The following PDZD8 variants were observed in gnomAD, a reference collection of about 807,000 sequenced individuals.
The protein encoded by PDZD8 is PDZ domain-containing protein 8.
PDZD8 carries 14 observed loss-of-function variants against 85.8 expected under a neutral mutation model. The observed-to-expected ratio is 0.16, with a 90% CI of 0.11 to 0.26. PDZD8 has a LOEUF of 0.26. Ranked by LOEUF, PDZD8 falls within the 10% of genes least tolerant of loss-of-function variation. PDZD8 has a pLI of 1.00. For synonymous variants in PDZD8, 592 were observed against 568.6 expected (o/e 1.04, Z -0.59); for missense variants, 1,197 against 1,424.3 (o/e 0.84, Z 2.57).
intron 2 of PDZD8, among the ~76,000 whole-genome samples, chr10:117,337,117 T>C (rs1201263602): frequency 1.3e-5 from 2 of 151,874 alleles, no homozygotes; most frequent in Admixed American, 1.3e-4. Context: ...ATCTAACTAA[T>C]CCGTAAAGTT....
Position 117,330,024 on chromosome 10 carries a change from G to T in PDZD8, c.995+10956C>A, listed in dbSNP as rs867605525. On this transcript the variant is annotated intron_variant, in intron 2 of 4. Coordinates refer to ENST00000334464, the MANE Select transcript of PDZD8 (RefSeq NM_173791.5). ...AGGGAGGGAGGGAGGGAGGGAGGGA[G>T]GGAAGGAGGGAGGGAGGGAGGGAGG... 2.8e-4 allele frequency among the ~76,000 whole-genome samples: 12 copies of T among 42,628 alleles called. 1 individual carries two copies. The highest frequency in any genetic ancestry group is 5.0e-4 in the African/African-American group (5 of 9,970). 28.0% of individuals were successfully genotyped at this position (42,628 alleles called of 152,430 possible). A position where few individuals can be genotyped will look rare whatever the true frequency, so the allele number is the denominator to read the frequency against.
chr10:117,310,195 C>T lies in PDZD8; in HGVS notation c.1098+8677G>A, dbSNP rs188776822. Among the ~76,000 whole-genome samples the T allele has an allele frequency of 1.1e-3, 174 of 152,264 alleles. 1 individual carries two copies. The highest frequency in any genetic ancestry group is 3.7e-3 in the Admixed American group (56 of 15,278). ...ATGTCCTCATCTTGAACTGGCCTCTCTGCCATCTCAAAATCCTATACATAC... is the reference window on the plus strand; with the variant it reads ...ATGTCCTCATCTTGAACTGGCCTCTTTGCCATCTCAAAATCCTATACATAC... On this transcript the variant is annotated intron_variant, in intron 3 of 4. Transcript: ENST00000334464.
At chr10:117,317,126 A>T (rs550620878) in intron 3 of PDZD8, among the ~76,000 whole-genome samples, 13 of 152,216 alleles carry the variant, frequency 8.5e-5, no homozygotes, top group Non-Finnish European at 1.8e-4. Context: ...GTATGACAGG[A>T]ATTAAGTTTC....
At chr10:117,321,689 CAAT>C (rs1844227815) in intron 2 of PDZD8, among the ~76,000 whole-genome samples, 1 of 151,828 alleles carries the variant, frequency 6.6e-6, no homozygotes, top group African/African-American at 2.4e-5. Context: ...GTAAGCGTAA[CAAT>C]AAATAATGAA....
chr10:117,354,770 T>C (rs536464653), intron 1 of PDZD8, among the ~76,000 whole-genome samples: 2 of 152,308 alleles, frequency 1.3e-5, no homozygotes, highest in African/African-American at 4.8e-5. Context: ...CATTAGGAAC[T>C]AGCAAACATA....
chr10:117,375,121 T>C lies in PDZD8; in HGVS notation c.107A>G (p.Asp36Gly). Residue 36 changes from aspartate to glycine, a missense_variant, in exon 1 of 5, where the codon GAC becomes GGC. Asp to Gly is a moderately conservative substitution (Grantham distance 94). Coordinates refer to ENST00000334464, the MANE Select transcript of PDZD8 (RefSeq NM_173791.5). The part of the protein sequence containing the change: ...LYRRQPEPPA[D>G]EAARAGEGFR... ...GCCCTCGCCCGCGCGGGCGGCCTCG[T>C]CCGCCGGCGGCTCGGGCTGTCTGCG... is the stretch of plus-strand genomic sequence containing the variant. 1 of 1,592,256 alleles carries C rather than the reference T, an allele frequency of 6.3e-7. No individual in the cohort carries two copies. Among genetic ancestry groups the C allele is most frequent in the Non-Finnish European group, 8.5e-7 (1 of 1,175,164 alleles).
At chr10:117,356,471 T>C (rs1450899826) in intron 1 of PDZD8, among the ~76,000 whole-genome samples, 1 of 152,198 alleles carries the variant, frequency 6.6e-6, no homozygotes, top group Non-Finnish European at 1.5e-5. Context: ...TTCATTTTAC[T>C]GATGAGAAAT....
chr10:117,303,574 A>G (rs1843884166), intron 3 of PDZD8, among the ~76,000 whole-genome samples: 1 of 152,228 alleles, frequency 6.6e-6, no homozygotes, highest in East Asian at 1.9e-4. Context: ...TCCCAAGACC[A>G]TGGGGAAAAT....
At chr10:117,349,717 C>G (rs1177445714) in intron 1 of PDZD8, among the ~76,000 whole-genome samples, 1 of 152,092 alleles carries the variant, frequency 6.6e-6, no homozygotes, top group African/African-American at 2.4e-5. Flanking sequence ...GCAGGAGGAT[C>G]ATTTGAGCCT....
At chr10:117,307,837 C>T (rs1012078318) in intron 3 of PDZD8, among the ~76,000 whole-genome samples, 5 of 152,190 alleles carry the variant, frequency 3.3e-5, no homozygotes, top group Admixed American at 1.3e-4. Flanking sequence ...GTTTCTACCC[C>T]TTTCCACTTA....
rs773435462 is a variant in PDZD8, at chr10:117,284,447, A to T, written c.2286T>A (p.Pro762=). ...GTGCGGTTCTAGTGACTATAGCCTT[A>T]GGTGAGGGGGCTTCCAGTCTCAATT... ...LSKLRLEAPS[P]KAIVTRTALR... is the part of the protein sequence containing the mutation. The change falls in exon 5 of 5, where the codon CCT becomes CCA. Residue 762 remains proline, a synonymous_variant. Transcript: ENST00000334464. 13 of 1,614,154 alleles carry T rather than the reference A, an allele frequency of 8.1e-6. No individual in the cohort carries two copies. The highest frequency in any genetic ancestry group is 1.1e-5 in the Non-Finnish European group (13 of 1,180,028).
At chr10:117,343,377 C>A (rs1414392022) in intron 1 of PDZD8, among the ~76,000 whole-genome samples, 1 of 152,084 alleles carries the variant, frequency 6.6e-6, no homozygotes, top group South Asian at 2.1e-4. Context: ...CCAACTAAAA[C>A]GCTAATTTGC....
chr10:117,315,360 C>T lies in PDZD8; in HGVS notation c.1098+3512G>A, dbSNP rs542175864. On this transcript the variant is annotated intron_variant, in intron 3 of 4. Transcript: ENST00000334464. ...CCACAATTCAAGCACTTTGTGGGGC[C>T]GAGGTGGGTGGATCACCTGAGACCA... Among the ~76,000 whole-genome samples the T allele has an allele frequency of 2.1e-3, 323 of 152,070 alleles. 1 individual carries two copies. The highest frequency in any genetic ancestry group is 3.4e-3 in the Non-Finnish European group (231 of 67,970).
chr10:117,293,381 AC>A (rs1396009749), intron 3 of PDZD8, among the ~76,000 whole-genome samples: 1 of 152,026 alleles, frequency 6.6e-6, no homozygotes, highest in Non-Finnish European at 1.5e-5. Context: ...ATAAATAGAA[AC>A]CCTAAATATT....
rs898917418 is a variant in PDZD8, at chr10:117,284,411, C to G, written c.2322G>C (p.Leu774=). Residue 774 remains leucine, a synonymous_variant, in exon 5 of 5, where the codon CTG becomes CTC. Transcript: ENST00000334464. ...TGTCATTGAATCCCTTTTGCATACT[C>G]AGATTGCGTAGTGCGGTTCTAGTGA... ...AIVTRTALRN[L]SMQKGFNDKF... 1.2e-6 allele frequency: 2 copies of G among 1,614,132 alleles called. No homozygotes were observed. Among genetic ancestry groups the G allele is most frequent in the Non-Finnish European group, 1.7e-6 (2 of 1,180,016 alleles).
chr10:117,289,628 A>C (rs2133763560), intron 4 of PDZD8, among the ~76,000 whole-genome samples: 1 of 152,366 alleles, frequency 6.6e-6, no homozygotes, highest in Admixed American at 6.5e-5. Flanking sequence ...TGTAAGTGAC[A>C]CATTTTTCCA....
intron 1 of PDZD8, among the ~76,000 whole-genome samples, chr10:117,343,867 C>T (rs2532793): frequency 0.77 from 116,954 of 152,162 alleles, 45,615 homozygotes; most frequent in Non-Finnish European, 0.85. Context: ...CATTAACATT[C>T]TCTAAGAACC....
rs140283691 is a variant in PDZD8 at position 117,374,257 on chromosome 10, C to T, written c.872+99G>A. 1.7e-4 allele frequency: 258 copies of T among 1,527,816 alleles called. No homozygotes were observed. In the African/African-American group the frequency reaches 2.6e-3, roughly 15 times the overall value. The allele number at this position is 1,527,816 out of a possible 1,614,324, so 94.6% of individuals were successfully genotyped here. On this transcript the variant is annotated intron_variant, in intron 1 of 4. Transcript: ENST00000334464. This position sits in a 1 kb window ranked among gnomAD's most constrained non-coding sequence, Gnocchi z 7.8. ...GGTGGGAAGGCCCCAGAAGCAGGCG[C>T]CAGGACAGAAATGAGCCTTTGCCCT...
chr10:117,350,822 T>G (rs192045912), intron 1 of PDZD8, among the ~76,000 whole-genome samples: 1 of 148,922 alleles, frequency 6.7e-6, no homozygotes, highest in Non-Finnish European at 1.5e-5. Flanking sequence ...GAGAATGGCA[T>G]GAACCTGGGA....
Sources: gnomAD v4.1 joint callset for allele counts (sites outside exome capture counted in the v4.1 genomes callset) on GRCh38, gnomAD v4.1.1 for gene constraint, Gnocchi (gnomAD v3.1) non-coding constraint, MANE v1.5 for transcripts, NCBI Gene and HGNC (gene_info 2026-07-23, HGNC 2026-07-21) for gene names.